Variants in CSMD2 observed in about 807,000 individuals in gnomAD.
CSMD2 encodes the protein CUB and sushi domain-containing protein 2.
A neutral mutation model predicts 398.5 loss-of-function variants in CSMD2; 130 were observed. The ratio of observed to expected loss-of-function variants is 0.33; its 90% CI spans 0.28 to 0.38. CSMD2 has a LOEUF of 0.38. Ranked by LOEUF, CSMD2 falls within the 10% of genes least tolerant of loss-of-function variation. The pLI, the probability that CSMD2 is intolerant of heterozygous loss-of-function variation, is 1.00. For synonymous variants in CSMD2, 1,828 were observed against 1,908.5 expected (o/e 0.96, Z 1.10); for missense variants, 3,829 against 4,764.9 (o/e 0.80, Z 5.78).
chr1:33,684,884 C>T (rs1234610142), intron 25 of CSMD2, among the ~76,000 whole-genome samples: 1 of 152,210 alleles, frequency 6.6e-6, no homozygotes, highest in Non-Finnish European at 1.5e-5. Flanking sequence ...TAGCATTCAT[C>T]ACATTATCTT....
chr1:33,677,997 T>C (rs539254695), intron 25 of CSMD2, among the ~76,000 whole-genome samples: 112 of 147,454 alleles, frequency 7.6e-4, no homozygotes, highest in African/African-American at 2.5e-3. Flanking sequence ...TTAGGAGATA[T>C]ACCTAATGCT....
intron 2 of CSMD2, among the ~76,000 whole-genome samples, chr1:34,080,965 A>AGAAG (rs1657020958): frequency 7.3e-6 from 1 of 136,068 alleles, no homozygotes; most frequent in South Asian, 2.2e-4. Context: ...AAAGAAAGAA[A>AGAAG]GAAAGAAAGA....
chr1:33,567,224 T>C (rs1659129401), intron 53 of CSMD2, among the ~76,000 whole-genome samples: 1 of 151,888 alleles, frequency 6.6e-6, no homozygotes, highest in South Asian at 2.1e-4. Context: ...TTAGACTCTA[T>C]AGGATACAAT....
At chr1:34,072,423 TAG>T (rs1386658529) in intron 2 of CSMD2, among the ~76,000 whole-genome samples, 1 of 152,044 alleles carries the variant, frequency 6.6e-6, no homozygotes, top group Non-Finnish European at 1.5e-5. Context: ...GCTGAGGATA[TAG>T]AAGGGGGAAA....
chr1:33,858,523 C>G (rs1639259574), intron 5 of CSMD2, among the ~76,000 whole-genome samples: 1 of 152,174 alleles, frequency 6.6e-6, no homozygotes, highest in Admixed American at 6.5e-5. Flanking sequence ...ATTAATCTCT[C>G]TTTTCACGCT....
At chr1:34,045,962 C>T (rs913369138) in intron 2 of CSMD2, among the ~76,000 whole-genome samples, 1 of 152,240 alleles carries the variant, frequency 6.6e-6, no homozygotes, top group African/African-American at 2.4e-5. Flanking sequence ...AACGGTGCAC[C>T]AAGGTGCCCC....
intron 5 of CSMD2, among the ~76,000 whole-genome samples, chr1:33,887,906 C>T (rs886580461): frequency 3.9e-5 from 6 of 151,934 alleles, no homozygotes; most frequent in Non-Finnish European, 8.8e-5. Context: ...TGAGAGAGTT[C>T]AGTAAGATGG....
In CSMD2 at chr1:33,920,132, G is replaced by C. The variant is rs150530560; in HGVS notation, c.713-1831C>G. On this transcript the variant is annotated intron_variant, in intron 4 of 70. Coordinates refer to ENST00000373381, the MANE Select transcript of CSMD2 (RefSeq NM_001281956.2). Reference sequence around the variant, plus strand: ...TGAGCCAAGACTTGAAGGAATGAGAGAGGAAGACACATGGTTACCTGGGGG... The same window carrying C: ...TGAGCCAAGACTTGAAGGAATGAGACAGGAAGACACATGGTTACCTGGGGG... Among the ~76,000 whole-genome samples the C allele has an allele frequency of 1.8e-3, 276 of 152,232 alleles. 1 individual carries two copies. Among genetic ancestry groups the C allele is most frequent in the African/African-American group, 6.5e-3 (270 of 41,542 alleles).
At chr1:33,573,005 A>G (rs1340262198) in intron 49 of CSMD2, among the ~76,000 whole-genome samples, 1 of 151,790 alleles carries the variant, frequency 6.6e-6, no homozygotes, top group Non-Finnish European at 1.5e-5. Flanking sequence ...ACATTCAAGT[A>G]TCTACTCTCC....
chr1:33,593,747 A>G (rs189417205), intron 44 of CSMD2, among the ~76,000 whole-genome samples: 6 of 152,300 alleles, frequency 3.9e-5, no homozygotes, highest in Admixed American at 3.9e-4. Flanking sequence ...TTTCATTACA[A>G]TTGAATGATT....
At chr1:33,743,797 C>A (rs1647167418) in intron 13 of CSMD2, among the ~76,000 whole-genome samples, 191 bp from the exon 14 acceptor site, 1 of 152,178 alleles carries the variant, frequency 6.6e-6, no homozygotes, top group South Asian at 2.1e-4. Context: ...CTGGACTTAG[C>A]AATGGGTAGG....
chr1:33,727,646 G>C (rs1028534219), intron 15 of CSMD2, among the ~76,000 whole-genome samples: 1 of 152,218 alleles, frequency 6.6e-6, no homozygotes, highest in East Asian at 1.9e-4. Flanking sequence ...TTCCGGCCTC[G>C]GTAATTGTGG....
chr1:34,101,690 C>A (rs1246389881), intron 1 of CSMD2, among the ~76,000 whole-genome samples: 1 of 152,112 alleles, frequency 6.6e-6, no homozygotes, highest in Non-Finnish European at 1.5e-5. Context: ...ACTAGCTGAT[C>A]AAATCCTCAG....
intron 10 of CSMD2, among the ~76,000 whole-genome samples, chr1:33,799,643 C>T (rs2124914681): frequency 6.6e-6 from 1 of 152,298 alleles, no homozygotes; most frequent in African/African-American, 2.4e-5. Context: ...TTGAGGAGTC[C>T]TCAGACCATT....
intron 12 of CSMD2, among the ~76,000 whole-genome samples, chr1:33,773,677 A>G (rs1044104093): frequency 6.6e-6 from 1 of 152,158 alleles, no homozygotes; most frequent in Non-Finnish European, 1.5e-5. Context: ...AGGAGGAAGA[A>G]GAGGGAAGGA....
intron 25 of CSMD2, among the ~76,000 whole-genome samples, chr1:33,666,674 G>A (rs530537649): frequency 1.8e-3 from 277 of 152,156 alleles, no homozygotes; most frequent in Non-Finnish European, 3.5e-3. Flanking sequence ...TTAAAACCAG[G>A]ACCTGTGTAA....
intron 5 of CSMD2, among the ~76,000 whole-genome samples, chr1:33,908,148 C>T (rs557706737): frequency 4.1e-5 from 6 of 146,418 alleles, no homozygotes; most frequent in African/African-American, 1.5e-4. Context: ...AGGGATAGAA[C>T]TGAAGACTTA....
chr1:33,549,685 C>A (rs1041862541), intron 56 of CSMD2, among the ~76,000 whole-genome samples: 2 of 152,102 alleles, frequency 1.3e-5, no homozygotes, highest in Non-Finnish European at 2.9e-5. Flanking sequence ...GGACATAGGA[C>A]AAGTTGAGGG....
intron 10 of CSMD2, among the ~76,000 whole-genome samples, chr1:33,794,870 G>T (rs891787749): frequency 1.3e-5 from 2 of 151,778 alleles, no homozygotes; most frequent in Non-Finnish European, 2.9e-5. Context: ...GGTAGGATGT[G>T]GGCCTGTAGC....
Sources: gnomAD v4.1 joint callset for allele counts (sites outside exome capture counted in the v4.1 genomes callset) on GRCh38, gnomAD v4.1.1 for gene constraint, MANE v1.5 for transcripts, NCBI Gene and HGNC (gene_info 2026-07-23, HGNC 2026-07-21) for gene names.